The following RBMS3 variants were observed in gnomAD, a reference collection of about 807,000 sequenced individuals.
RBMS3 encodes RNA binding motif single stranded interacting protein 3.
In RBMS3, 27 loss-of-function variants were observed where a neutral mutation model predicts 66.8. That is an observed-to-expected ratio of 0.40 (90% CI 0.30 to 0.56). The LOEUF (loss-of-function observed/expected upper bound fraction) is 0.56. Ranked by LOEUF, RBMS3 falls within the 20% of genes least tolerant of loss-of-function variation. RBMS3 has a pLI of 0.40. For synonymous variants in RBMS3, 188 were observed against 183.0 expected, an observed-to-expected ratio of 1.03 and a Z score of -0.22; for missense variants, 513 against 549.5, an observed-to-expected ratio of 0.93 and a Z score of 0.66.
chr3:29,649,699 T>G (rs2050073194), intron 4 of RBMS3, among the ~76,000 whole-genome samples: 5 of 152,198 alleles, frequency 3.3e-5, no homozygotes, highest in Non-Finnish European at 7.3e-5. Context: ...GATGACACAT[T>G]GTCATTCATG....
chr3:30,002,074 T>G (rs2125404035), intron 14 of RBMS3, among the ~76,000 whole-genome samples: 1 of 152,134 alleles, frequency 6.6e-6, no homozygotes, highest in Admixed American at 6.6e-5. Context: ...CCATCATTTG[T>G]TTTCATGTGG....
chr3:29,398,645 C>T (rs1377458881), intron 1 of RBMS3, among the ~76,000 whole-genome samples: 1 of 152,144 alleles, frequency 6.6e-6, no homozygotes, highest in Admixed American at 6.6e-5. Context: ...ACCACCATAA[C>T]TGTTGGTGAC....
At chr3:29,993,920 G>A (rs1280755051) in intron 14 of RBMS3, among the ~76,000 whole-genome samples, 1 of 152,154 alleles carries the variant, frequency 6.6e-6, no homozygotes, top group African/African-American at 2.4e-5. Flanking sequence ...CTGTATCGGG[G>A]GGAGGAACCA....
chr3:29,435,871 A>T (rs1021315398), intron 2 of RBMS3, among the ~76,000 whole-genome samples: 1 of 145,424 alleles, frequency 6.9e-6, no homozygotes, highest in Non-Finnish European at 1.5e-5. Flanking sequence ...GCTACTCAGG[A>T]GGCTGAGGCA....
chr3:29,558,415 G>A (rs1212704853), intron 3 of RBMS3, among the ~76,000 whole-genome samples: 3 of 152,162 alleles, frequency 2.0e-5, no homozygotes, highest in Non-Finnish European at 2.9e-5. Context: ...AGGACAATTA[G>A]ACATATATCC....
At chr3:29,870,524 C>T (rs1321449644) in intron 7 of RBMS3, among the ~76,000 whole-genome samples, 1 of 152,104 alleles carries the variant, frequency 6.6e-6, no homozygotes, top group Non-Finnish European at 1.5e-5. Context: ...CAAGACACTT[C>T]CTCTCACTGT....
chr3:29,322,887 C>G (rs1423031290), intron 1 of RBMS3, among the ~76,000 whole-genome samples: 1 of 152,134 alleles, frequency 6.6e-6, no homozygotes, highest in Non-Finnish European at 1.5e-5. Flanking sequence ...CTGCTTAGAA[C>G]TCTAGGGCAG....
chr3:29,884,267 A>G lies in RBMS3; in HGVS notation c.791+59A>G, dbSNP rs1432439793. 2.1e-6 allele frequency: 3 copies of G among 1,458,618 alleles called. No individual in the cohort carries two copies. In the Admixed American group the frequency reaches 5.7e-5, roughly 28 times the overall value. 90.4% of individuals were successfully genotyped at this position (1,458,618 alleles called of 1,614,324 possible). A position where few individuals can be genotyped will look rare whatever the true frequency, so the allele number is the denominator to read the frequency against. On this transcript the variant is annotated intron_variant, in intron 8 of 14. Coordinates refer to ENST00000383767, the MANE Select transcript of RBMS3 (RefSeq NM_001003793.3). ...GAATAGATCTTTGAGCTCTGAATCA[A>G]CATCAAAGAAAAATGTTAAAATTTG...
At chr3:29,354,361 C>A (rs1174790645) in intron 1 of RBMS3, among the ~76,000 whole-genome samples, 1 of 152,002 alleles carries the variant, frequency 6.6e-6, no homozygotes, top group African/African-American at 2.4e-5. Context: ...ATTTATGATG[C>A]AAAAATTAAC....
intron 10 of RBMS3, among the ~76,000 whole-genome samples, chr3:29,929,867 A>T: frequency 6.6e-6 from 1 of 152,142 alleles, no homozygotes; most frequent in Non-Finnish European, 1.5e-5. Flanking sequence ...CAAGCATAGG[A>T]AAGAGAAACC....
At chr3:29,859,626 T>C (rs969119410) in intron 6 of RBMS3, among the ~76,000 whole-genome samples, 75 of 152,360 alleles carry the variant, frequency 4.9e-4, no homozygotes, top group African/African-American at 1.8e-3. Context: ...TTATTACAAC[T>C]AAGAATTACA....
chr3:29,668,065 T>C (rs906820891), intron 4 of RBMS3, among the ~76,000 whole-genome samples: 2 of 152,190 alleles, frequency 1.3e-5, no homozygotes, highest in African/African-American at 4.8e-5. Flanking sequence ...CTATATTAGC[T>C]TCTTCATGGA....
At chr3:29,805,403 G>A (rs1434984565) in intron 6 of RBMS3, among the ~76,000 whole-genome samples, 1 of 151,962 alleles carries the variant, frequency 6.6e-6, no homozygotes, top group Non-Finnish European at 1.5e-5. Flanking sequence ...TGTACTCTTT[G>A]TACTTATAGA....
At chr3:29,893,141 C>A (rs1161460615) in intron 8 of RBMS3, among the ~76,000 whole-genome samples, 1 of 151,358 alleles carries the variant, frequency 6.6e-6, no homozygotes, top group African/African-American at 2.4e-5. Flanking sequence ...AGACGGTATG[C>A]CGATTCTGTT....
intron 6 of RBMS3, among the ~76,000 whole-genome samples, chr3:29,807,247 T>G (rs2057583811): frequency 6.6e-6 from 1 of 151,946 alleles, no homozygotes; most frequent in Non-Finnish European, 1.5e-5. Flanking sequence ...ACTGTCTCAC[T>G]AACTAAGCAA....
intron 1 of RBMS3, among the ~76,000 whole-genome samples, chr3:29,302,653 AAGACTACGC>A (rs2033758662): frequency 6.6e-6 from 1 of 152,084 alleles, no homozygotes; most frequent in Admixed American, 6.6e-5. Flanking sequence ...TATCTAAAGG[AAGACTACGC>A]CACAGAAGGT....
chr3:29,603,201 T>C (rs771456398), intron 4 of RBMS3, among the ~76,000 whole-genome samples: 1 of 151,966 alleles, frequency 6.6e-6, no homozygotes, highest in Non-Finnish European at 1.5e-5. Context: ...TAACTCCATG[T>C]GGTAGTCGTT....
At chr3:29,760,264 CACACAT>C (rs1284702730) in intron 5 of RBMS3, among the ~76,000 whole-genome samples, 37 of 149,868 alleles carry the variant, frequency 2.5e-4, no homozygotes, top group South Asian at 8.4e-4. Flanking sequence ...CACACACACA[CACACAT>C]ACACACACAC....
At chr3:29,674,446 G>A (rs1227369602) in intron 4 of RBMS3, among the ~76,000 whole-genome samples, 2 of 151,962 alleles carry the variant, frequency 1.3e-5, no homozygotes, top group African/African-American at 4.8e-5. Context: ...TTCAGTTAGC[G>A]AAAGAGGAAG....
Sources: gnomAD v4.1 joint callset for allele counts (sites outside exome capture counted in the v4.1 genomes callset) on GRCh38, gnomAD v4.1.1 for gene constraint, MANE v1.5 for transcripts, NCBI Gene and HGNC (gene_info 2026-07-23, HGNC 2026-07-21) for gene names.